Variants in SATB2 observed in about 807,000 individuals in gnomAD.
SATB2 encodes the protein DNA-binding protein SATB2.
Under a neutral mutation model 73.4 loss-of-function variants are expected in SATB2, and 1 was observed. The observed-to-expected ratio is 0.01, with a 90% CI of 0.00 to 0.06. The LOEUF is 0.06. Among genes scored for constraint, SATB2 ranks in the 10% least tolerant of loss-of-function variants. The pLI is 1.00. For missense variants in SATB2, 459 were observed against 945.8 expected (o/e 0.49, Z 6.75); for synonymous variants, 397 against 367.0 (o/e 1.08, Z -0.93).
intron 6 of SATB2, among the ~76,000 whole-genome samples, chr2:199,361,819 G>A (rs1225534404): frequency 1.5e-5 from 2 of 137,890 alleles, no homozygotes; most frequent in Non-Finnish European, 3.1e-5. Context: ...GTGCAGTGGC[G>A]CAATCTCAGC....
chr2:199,284,080 G>C (rs952280367), intron 10 of SATB2, among the ~76,000 whole-genome samples: 2 of 152,160 alleles, frequency 1.3e-5, no homozygotes, highest in Non-Finnish European at 2.9e-5. Context: ...AGCATTTGTT[G>C]CCAATTATAC....
intron 3 of SATB2, among the ~76,000 whole-genome samples, chr2:199,399,086 C>A (rs1030996219): frequency 7.2e-5 from 11 of 152,072 alleles, no homozygotes; most frequent in Admixed American, 6.5e-4. Context: ...GCCTGAGCAA[C>A]ATGACAAAAT....
chr2:199,435,697 A>G (rs765651393), intron 2 of SATB2, among the ~76,000 whole-genome samples: 1 of 152,158 alleles, frequency 6.6e-6, no homozygotes, highest in Non-Finnish European at 1.5e-5. Context: ...CTGAACACCT[A>G]CTATGTGACA....
intron 3 of SATB2, among the ~76,000 whole-genome samples, chr2:199,386,712 GCGCGCACACACA>G (rs1400986246): frequency 0.023 from 1,536 of 67,462 alleles, 21 homozygotes; most frequent in African/African-American, 0.09. Flanking sequence ...GCGCGCGCGC[GCGCGCACACACA>G]CACACACACA....
intron 9 of SATB2, among the ~76,000 whole-genome samples, chr2:199,319,735 A>C (rs1016105679): frequency 3.3e-5 from 5 of 152,026 alleles, no homozygotes; most frequent in Non-Finnish European, 7.4e-5. Context: ...AAATAATAAT[A>C]ATAAATAATA....
chr2:199,367,120 T>G (rs1000065357), intron 6 of SATB2, among the ~76,000 whole-genome samples: 1 of 152,174 alleles, frequency 6.6e-6, no homozygotes, highest in African/African-American at 2.4e-5. Context: ...GAAGAGGATA[T>G]GTCAAAGTAC....
intron 10 of SATB2, among the ~76,000 whole-genome samples, chr2:199,286,086 T>C (rs987826113): frequency 2.0e-5 from 3 of 151,858 alleles, no homozygotes; most frequent in African/African-American, 7.2e-5. Flanking sequence ...ATTTCCTCTT[T>C]GGTTATAAAT....
At chr2:199,325,671 C>T (rs1170550420) in intron 8 of SATB2, among the ~76,000 whole-genome samples, 1 of 152,162 alleles carries the variant, frequency 6.6e-6, no homozygotes, top group Admixed American at 6.6e-5. Context: ...TCTCATCCTA[C>T]CTGATTGGTC....
chr2:199,342,567 C>T (rs1465443304), intron 7 of SATB2, among the ~76,000 whole-genome samples: 7 of 152,134 alleles, frequency 4.6e-5, no homozygotes, highest in African/African-American at 1.7e-4. Flanking sequence ...CAGGCTCATG[C>T]TGGAGATCCC....
intron 5 of SATB2, among the ~76,000 whole-genome samples, chr2:199,373,342 G>GA (rs1047996040): frequency 6.6e-6 from 1 of 151,822 alleles, no homozygotes; most frequent in African/African-American, 2.4e-5. Context: ...TAGGTAATGG[G>GA]AAAAAAACTG....
intron 1 of SATB2, among the ~76,000 whole-genome samples, chr2:199,456,906 C>T (rs1692294203): frequency 7.2e-6 from 1 of 138,246 alleles, no homozygotes; most frequent in Admixed American, 7.7e-5. Context: ...AAGTTTTCCT[C>T]TGGGTCACTA....
intron 10 of SATB2, among the ~76,000 whole-genome samples, chr2:199,304,216 C>T (rs1466857575): frequency 6.6e-6 from 1 of 152,138 alleles, no homozygotes; most frequent in African/African-American, 2.4e-5. Context: ...CCTAACCTAA[C>T]CAGTGTTTTA....
At chr2:199,442,111 G>A (rs959893493) in intron 2 of SATB2, among the ~76,000 whole-genome samples, 1 of 152,078 alleles carries the variant, frequency 6.6e-6, no homozygotes, top group Non-Finnish European at 1.5e-5. Flanking sequence ...TATATAGTAG[G>A]CCCAAAATAA....
chr2:199,333,624 T>G (rs1326327322), intron 7 of SATB2, among the ~76,000 whole-genome samples: 2 of 152,100 alleles, frequency 1.3e-5, no homozygotes, highest in Non-Finnish European at 2.9e-5. Context: ...GTAGAAGATA[T>G]TTTGAAGCAA....
intron 9 of SATB2, among the ~76,000 whole-genome samples, chr2:199,310,985 A>T (rs2105772285): frequency 6.6e-6 from 1 of 152,328 alleles, no homozygotes; most frequent in East Asian, 1.9e-4. Flanking sequence ...ATCACTTAGA[A>T]CAACACTACA....
chr2:199,348,355 G>A (rs1368130252), intron 7 of SATB2: 9 of 192,146 alleles, frequency 4.7e-5, no homozygotes, highest in Admixed American at 2.7e-4. Context: ...TTAAAAAATG[G>A]CAAGAGACTG....
In SATB2 at chr2:199,436,277, T is replaced by C. The variant is rs145189177; in HGVS notation, c.170-2763A>G. Among the ~76,000 whole-genome samples the C allele has an allele frequency of 2.8e-3, 421 of 152,316 alleles. 2 individuals are homozygous for C. Among genetic ancestry groups the C allele is most frequent in the South Asian group, 0.014 (70 of 4,830 alleles). On this transcript the variant is annotated intron_variant, in intron 2 of 10. Coordinates refer to ENST00000417098, the MANE Select transcript of SATB2 (RefSeq NM_001172509.2). ...CATGAAAGCACAGGGATCTATAACA[T>C]GTAGGGACTTACGTTTTATAACCGT...
At chr2:199,367,250 G>T (rs768229983) in intron 6 of SATB2, among the ~76,000 whole-genome samples, 1 of 152,124 alleles carries the variant, frequency 6.6e-6, no homozygotes, top group Non-Finnish European at 1.5e-5. Flanking sequence ...TTGCACAAGG[G>T]TGAATATTAA....
chr2:199,391,807 A>C (rs189740164), intron 3 of SATB2, among the ~76,000 whole-genome samples: 170 of 152,336 alleles, frequency 1.1e-3, no homozygotes, highest in Non-Finnish European at 1.0e-3. Context: ...TTTGAGCCCC[A>C]AAAAATATTC....
Sources: allele counts gnomAD v4.1 joint callset (sites outside exome capture counted in the v4.1 genomes callset), GRCh38; gene constraint gnomAD v4.1.1; transcripts MANE v1.5; gene names NCBI Gene and HGNC (gene_info 2026-07-23, HGNC 2026-07-21).